NCOA2: variants seen among roughly 807,000 people sequenced by gnomAD.
The protein encoded by NCOA2 is nuclear receptor coactivator 2.
A neutral mutation model predicts 145.1 loss-of-function variants in NCOA2; 21 were observed. That is an observed-to-expected ratio of 0.14 (90% CI 0.10 to 0.21). The LOEUF (loss-of-function observed/expected upper bound fraction) is 0.21, where lower values mean the gene tolerates loss of function less well. Among genes scored for constraint, NCOA2 ranks in the 10% least tolerant of loss-of-function variants. The probability of loss-of-function intolerance (pLI) is 1.00; values close to 1 mark genes in which losing one functional copy is unlikely to be tolerated. For missense variants in NCOA2, 1,472 were observed against 1,837.6 expected, an observed-to-expected ratio of 0.80 and a Z score of 3.64; for synonymous variants, 619 against 637.5, an observed-to-expected ratio of 0.97 and a Z score of 0.44.
intron 4 of NCOA2, among the ~76,000 whole-genome samples, chr8:70,184,003 G>GT (rs1366537592): frequency 6.6e-6 from 1 of 152,172 alleles, no homozygotes; most frequent in Middle Eastern, 3.2e-3. Flanking sequence ...CTCTTCAGAG[G>GT]TATCTGTTTG....
intron 1 of NCOA2, among the ~76,000 whole-genome samples, chr8:70,327,936 G>C (rs1179652903): frequency 6.6e-6 from 1 of 152,150 alleles, no homozygotes; most frequent in African/African-American, 2.4e-5. Context: ...CACATTTCCT[G>C]ATTTCTATGA....
chr8:70,282,866 G>A (rs1207854616), intron 2 of NCOA2, among the ~76,000 whole-genome samples: 4 of 152,110 alleles, frequency 2.6e-5, no homozygotes, highest in South Asian at 2.1e-4. Context: ...GTGCAATGAC[G>A]CTCCAGAGTG....
At chr8:70,450,342 C>A in the NCOA2 span, among the ~76,000 whole-genome samples, 12 of 152,154 alleles carry the variant, frequency 7.9e-5, no homozygotes, top group Non-Finnish European at 1.0e-4. Context: ...ATAAAGGAGA[C>A]TCCTGAACAC....
At chr8:70,186,009 T>C (rs954836841) in intron 4 of NCOA2, among the ~76,000 whole-genome samples, 8 of 152,230 alleles carry the variant, frequency 5.3e-5, no homozygotes, top group East Asian at 3.9e-4. Flanking sequence ...AAACTACGTA[T>C]AGGAATGCGG....
chr8:70,221,712 T>A (rs956722273), intron 2 of NCOA2, among the ~76,000 whole-genome samples: 1 of 152,192 alleles, frequency 6.6e-6, no homozygotes, highest in South Asian at 2.1e-4. Context: ...TGAATAAATA[T>A]TCTATGCAGG....
Position 70,217,405 on chromosome 8 carries a change from G to A in NCOA2, c.-19-641C>T, listed in dbSNP as rs569809028. Among the ~76,000 whole-genome samples the A allele has an allele frequency of 5.9e-5, 9 of 152,166 alleles. 1 individual carries two copies. The highest frequency in any genetic ancestry group is 4.6e-4 in the Admixed American group (7 of 15,274). On this transcript the variant is annotated intron_variant, in intron 2 of 22. Coordinates refer to ENST00000452400, the MANE Select transcript of NCOA2 (RefSeq NM_006540.4). Reference sequence around the variant, plus strand: ...GCAGCTGCCTGGCTGCTCCTCCATCGGTGCCCTCTCTCTGTGGCAGCTCGC... The same window carrying A: ...GCAGCTGCCTGGCTGCTCCTCCATCAGTGCCCTCTCTCTGTGGCAGCTCGC...
chr8:70,411,766 G>C, the NCOA2 span, among the ~76,000 whole-genome samples: 5 of 152,156 alleles, frequency 3.3e-5, no homozygotes, highest in African/African-American at 1.2e-4. Context: ...TTACATAAAG[G>C]TCAGACAGGC....
At chr8:70,446,589 C>T in the NCOA2 span, among the ~76,000 whole-genome samples, 4 of 152,008 alleles carry the variant, frequency 2.6e-5, no homozygotes, top group African/African-American at 9.7e-5. Context: ...TGTTTTCATC[C>T]CTAATTTTAT....
intron 1 of NCOA2, among the ~76,000 whole-genome samples, chr8:70,348,824 G>A (rs1808908194): frequency 6.6e-6 from 1 of 152,124 alleles, no homozygotes; most frequent in South Asian, 2.1e-4. Flanking sequence ...GAAGCAAGGA[G>A]ATACCCAGGG....
intron 2 of NCOA2, among the ~76,000 whole-genome samples, chr8:70,217,925 C>T (rs1440534961): frequency 6.6e-6 from 1 of 151,996 alleles, no homozygotes; most frequent in African/African-American, 2.4e-5. Flanking sequence ...TCACCTTTGC[C>T]CCTCCTTTAC....
chr8:70,360,538 C>T (rs1055866639), intron 1 of NCOA2, among the ~76,000 whole-genome samples: 5 of 152,190 alleles, frequency 3.3e-5, no homozygotes, highest in African/African-American at 1.2e-4. Flanking sequence ...GTTATTTCAT[C>T]CCACCAAGAG....
the NCOA2 span, among the ~76,000 whole-genome samples, chr8:70,412,748 C>T: frequency 6.7e-6 from 1 of 149,770 alleles, no homozygotes; most frequent in African/African-American, 2.5e-5. Flanking sequence ...AATTGGAATA[C>T]AGATAGACAT....
At chr8:70,244,490 T>C (rs887632512) in intron 2 of NCOA2, among the ~76,000 whole-genome samples, 2 of 151,980 alleles carry the variant, frequency 1.3e-5, no homozygotes, top group East Asian at 1.9e-4. Context: ...AGGTACTATA[T>C]ATAACAACAA....
intron 4 of NCOA2, among the ~76,000 whole-genome samples, chr8:70,177,498 G>A (rs1815000293): frequency 6.6e-6 from 1 of 152,172 alleles, no homozygotes; most frequent in Non-Finnish European, 1.5e-5. Flanking sequence ...AAGTGGGATC[G>A]AGGGTGTGTG....
At chr8:70,412,929 C>T in the NCOA2 span, among the ~76,000 whole-genome samples, 1 of 151,692 alleles carries the variant, frequency 6.6e-6, no homozygotes, top group Non-Finnish European at 1.5e-5. Context: ...GAAACCCTGT[C>T]TCTACTAAAA....
intron 1 of NCOA2, among the ~76,000 whole-genome samples, chr8:70,351,270 G>A (rs1347240369): frequency 6.6e-6 from 1 of 152,072 alleles, no homozygotes; most frequent in Non-Finnish European, 1.5e-5. Flanking sequence ...TTGATATGAA[G>A]AGTAATAGGT....
chr8:70,366,142 G>C (rs776894928), intron 1 of NCOA2, among the ~76,000 whole-genome samples: 5 of 152,074 alleles, frequency 3.3e-5, no homozygotes, highest in South Asian at 2.1e-4. Flanking sequence ...GACCAATTTC[G>C]GGCACCCAAG....
Position 70,113,755 on chromosome 8 carries a change from C to T in NCOA2, c.4384-112G>A, listed in dbSNP as rs1806768816. ...CCTGACTGTTTTCAATAAAGCAAAT[C>T]ACAGAGGCCGCATCTGGATGAGTAC... On this transcript the variant is annotated intron_variant, in intron 22 of 22. Transcript: ENST00000452400. The T allele has an allele frequency of 5.8e-6, 6 of 1,042,324 alleles. No homozygotes were observed. In the Admixed American group the frequency reaches 1.0e-4, roughly 17 times the overall value. The allele number at this position is 1,042,324 out of a possible 1,614,324, so 64.6% of individuals were successfully genotyped here.
chr8:70,397,697 C>T (rs1048881963), intron 1 of NCOA2, among the ~76,000 whole-genome samples: 2 of 152,144 alleles, frequency 1.3e-5, no homozygotes, highest in African/African-American at 4.8e-5. Flanking sequence ...GGACAGAGAG[C>T]ACAAAACATG....
Sources: allele counts gnomAD v4.1 joint callset (sites outside exome capture counted in the v4.1 genomes callset), GRCh38; gene constraint gnomAD v4.1.1; transcripts MANE v1.5; gene names NCBI Gene and HGNC (gene_info 2026-07-23, HGNC 2026-07-21).